Variants in PRR5 observed in about 807,000 individuals in gnomAD.
PRR5 encodes the protein proline rich 5.
A neutral mutation model predicts 30.6 loss-of-function variants in PRR5; 25 were observed. The observed-to-expected ratio is 0.82, with a 90% CI of 0.60 to 1.14. The LOEUF (loss-of-function observed/expected upper bound fraction) is 1.14. Ranked by LOEUF, PRR5 falls within the 50% of genes most tolerant of loss-of-function variation. The probability of loss-of-function intolerance (pLI) is 0.00; values close to 1 mark genes in which losing one functional copy is unlikely to be tolerated. For missense variants in PRR5, 600 were observed against 547.1 expected, an observed-to-expected ratio of 1.10 and a Z score of -0.96; for synonymous variants, 286 against 247.1, an observed-to-expected ratio of 1.16 and a Z score of -1.48.
rs1017140209 is a variant in PRR5 at position 44,691,806 on chromosome 22, T to G, written c.-10-10686T>G. ...AAAAAGACACTGAAATCCACCAAGTTTTTTCCAGATGAGGACTCCTTGGTA... is the reference window on the plus strand; with the variant it reads ...AAAAAGACACTGAAATCCACCAAGTGTTTTCCAGATGAGGACTCCTTGGTA... On this transcript the variant is annotated intron_variant, in intron 1 of 8. Transcript: ENST00000006251. The surrounding 1 kb of genome is among the most constrained non-coding windows in gnomAD (Gnocchi z 4.4). Among the ~76,000 whole-genome samples the G allele has an allele frequency of 4.6e-5, 7 of 150,948 alleles. No individual in the cohort carries two copies. The highest frequency in any genetic ancestry group is 1.7e-4 in the African/African-American group (7 of 41,116).
At chr22:44,699,218 T>G (rs1926038539), upstream of PRR5, among the ~76,000 whole-genome samples, 1 of 152,204 alleles carries the variant, frequency 6.6e-6, no homozygotes, top group African/African-American at 2.4e-5. Context: ...TCCCTCCTCC[T>G]GCCTCCCACC....
At chr22:44,729,261 C>T (rs900668380) in intron 4 of PRR5, 46 of 916,230 alleles carry the variant, frequency 5.0e-5, no homozygotes, top group South Asian at 4.0e-4. Flanking sequence ...GCCCTGCGCT[C>T]CTCACTGTTC....
At chr22:44,716,744 C>T (rs937966036) in intron 2 of PRR5, among the ~76,000 whole-genome samples, 2 of 152,170 alleles carry the variant, frequency 1.3e-5, no homozygotes, top group East Asian at 1.9e-4. Context: ...CCCAGCTCTT[C>T]TGGACGGTGT....
At chr22:44,693,467 A>AG (rs1230576969) in intron 1 of PRR5, among the ~76,000 whole-genome samples, 2 of 152,046 alleles carry the variant, frequency 1.3e-5, no homozygotes, top group South Asian at 2.1e-4. Flanking sequence ...TCAAAAAAAA[A>AG]GTGTCAGCAG....
At chr22:44,710,159 G>A (rs957993618) in intron 1 of PRR5, among the ~76,000 whole-genome samples, 4 of 152,108 alleles carry the variant, frequency 2.6e-5, no homozygotes, top group Admixed American at 2.0e-4. Flanking sequence ...GACAGACAGG[G>A]CCCCCGGATC....
At chr22:44,730,002 C>T (rs942318362) in intron 4 of PRR5, 24 of 985,350 alleles carry the variant, frequency 2.4e-5, no homozygotes, top group African/African-American at 1.0e-4. Context: ...CCCCATCACC[C>T]TCAGAGCCAG....
chr22:44,680,949 A>C (rs1015882094), intron 1 of PRR5, among the ~76,000 whole-genome samples: 2 of 152,228 alleles, frequency 1.3e-5, no homozygotes, highest in Non-Finnish European at 2.9e-5. Context: ...TGTGGTCTCC[A>C]CATTCATGCA....
At chr22:44,703,172 C>G (rs1926630431) in intron 1 of PRR5, among the ~76,000 whole-genome samples, 1 of 152,196 alleles carries the variant, frequency 6.6e-6, no homozygotes, top group African/African-American at 2.4e-5. Flanking sequence ...AAGCAGGGGC[C>G]TGGGAAGCCC....
chr22:44,729,430 G>A (rs3788610), intron 4 of PRR5: 105,131 of 985,234 alleles, frequency 0.11, 6,239 homozygotes, highest in African/African-American at 0.23. Context: ...CTGCGGGGCC[G>A]CTCGCCTGCA....
intron 4 of PRR5, chr22:44,729,270 TC>T (rs1314114041): frequency 1.6e-5 from 15 of 923,014 alleles, no homozygotes; most frequent in Non-Finnish European, 1.9e-5. Flanking sequence ...TCCTCACTGT[TC>T]CTGAGTCTCC....
At chr22:44,723,239 C>T (rs1930209459) in intron 2 of PRR5, among the ~76,000 whole-genome samples, 1 of 152,028 alleles carries the variant, frequency 6.6e-6, no homozygotes, top group Non-Finnish European at 1.5e-5. Context: ...CCACCTTGGC[C>T]TCCCAAAGTG....
intron 1 of PRR5, among the ~76,000 whole-genome samples, chr22:44,690,186 C>T (rs1055915125): frequency 1.3e-5 from 2 of 152,050 alleles, no homozygotes; most frequent in Non-Finnish European, 2.9e-5. Context: ...GAGAGAAGAC[C>T]CTGTGGGCAG....
At position 44,731,725 on chromosome 22, in the gene PRR5, C is replaced by T. The variant is rs753707008; in HGVS notation, c.323-5C>T. 11 of 1,613,576 alleles carry T rather than the reference C, an allele frequency of 6.8e-6. No homozygotes were observed. The East Asian group carries it at 1.8e-4, about 26-fold the overall frequency. On this transcript the variant is annotated splice_region_variant and splice_polypyrimidine_tract_variant and intron_variant, in intron 4 of 7. Coordinates refer to ENST00000336985, the MANE Select transcript of PRR5 (RefSeq NM_181333.4). ...GCCCAGTGGTGATGGCCCCCATGCC[C>T]ACAGGACAGAAGCTGCTGGACTCAC...
intron 1 of PRR5, among the ~76,000 whole-genome samples, chr22:44,693,795 ATT>A (rs61604082): frequency 8.8e-5 from 7 of 79,620 alleles, no homozygotes; most frequent in Non-Finnish European, 1.6e-4. Context: ...ACACTCGGCT[ATT>A]TTTTTTTTTT....
intron 1 of PRR5, among the ~76,000 whole-genome samples, chr22:44,686,286 G>A (rs1924744576): frequency 6.6e-6 from 1 of 151,952 alleles, no homozygotes; most frequent in Non-Finnish European, 1.5e-5. Flanking sequence ...CCCCTATTGG[G>A]CACCTGGCTT....
chr22:44,732,172 T>C, intron 5 of PRR5, 79 bp from the exon 6 acceptor site: 1 of 1,573,466 alleles, frequency 6.4e-7, no homozygotes, highest in Non-Finnish European at 8.6e-7. Context: ...CTTCCCCCTG[T>C]GGGGTCCCAG....
intron 3 of PRR5, 46 bp from the exon 4 acceptor site, chr22:44,726,531 C>G (rs372651007): frequency 6.2e-7 from 1 of 1,612,894 alleles, no homozygotes; most frequent in African/African-American, 1.3e-5. Flanking sequence ...AGGACACCCC[C>G]GGGCATCCAC....
At chr22:44,671,685 T>G (rs1569057429) in intron 1 of PRR5, among the ~76,000 whole-genome samples, 2 of 152,188 alleles carry the variant, frequency 1.3e-5, no homozygotes, top group African/African-American at 2.4e-5. Context: ...AGGTGCAGAT[T>G]GGAATAAACA....
chr22:44,684,732 C>T (rs951002088), intron 1 of PRR5, among the ~76,000 whole-genome samples: 3 of 152,238 alleles, frequency 2.0e-5, no homozygotes, highest in Non-Finnish European at 4.4e-5. Context: ...GGTGTGGGTG[C>T]AGAGCACAGG....
Sources: allele counts gnomAD v4.1 joint callset (sites outside exome capture counted in the v4.1 genomes callset), GRCh38; gene constraint gnomAD v4.1.1; non-coding constraint Gnocchi (gnomAD v3.1); transcripts MANE v1.5; gene names NCBI Gene and HGNC (gene_info 2026-07-23, HGNC 2026-07-21).